The following PCDH11X variants were observed in gnomAD, a reference collection of about 807,000 sequenced individuals.
PCDH11X encodes the protein protocadherin 11 X-linked.
PCDH11X carries 18 observed loss-of-function variants against 53.3 expected under a neutral mutation model. The ratio of observed to expected loss-of-function variants is 0.34; its 90% CI spans 0.23 to 0.50. PCDH11X has a LOEUF of 0.50. Among genes scored for constraint, PCDH11X ranks in the 20% least tolerant of loss-of-function variants. The pLI, the probability that PCDH11X is intolerant of heterozygous loss-of-function variation, is 0.98. For synonymous variants in PCDH11X, 279 were observed against 393.3 expected (o/e 0.71, Z 3.44); for missense variants, 570 against 1,032.4 (o/e 0.55, Z 6.14).
At chrX:92,038,267 A>C (rs1202945678) in intron 6 of PCDH11X, among the ~76,000 whole-genome samples, 7 of 107,692 alleles carry the variant, frequency 6.5e-5, no homozygotes, top group African/African-American at 2.4e-4. Flanking sequence ...CAGCCCCTCT[A>C]ATCACAGGCT....
At chrX:92,158,515 A>T (rs1296721513) in intron 6 of PCDH11X, among the ~76,000 whole-genome samples, 5 of 111,190 alleles carry the variant, frequency 4.5e-5, no homozygotes, top group African/African-American at 1.6e-4. Context: ...GTCTCAAAAA[A>T]AAGAAAAAAA....
chrX:92,089,004 G>A (rs1332503165), intron 6 of PCDH11X, among the ~76,000 whole-genome samples: 2 of 108,494 alleles, frequency 1.8e-5, no homozygotes, highest in Admixed American at 2.0e-4. Context: ...TTCTTGGGAT[G>A]TAGAAACATC....
At position 91,857,450 on chromosome X, in the gene PCDH11X, T is replaced by C. The variant is rs113348053; in HGVS notation, c.541-19331T>C. 5.6e-3 allele frequency among the ~76,000 whole-genome samples: 623 copies of C among 111,317 alleles called. 4 individuals are homozygous for C. Among genetic ancestry groups the C allele is most frequent in the African/African-American group, 0.019 (590 of 30,567 alleles). On this transcript the variant is annotated intron_variant, in intron 5 of 10. Transcript: ENST00000682573. Reference sequence around the variant, plus strand: ...ATAGCTTCCCAACTGTCCTCCAAAGTCTTAACTTATTTCAACATTAACTCA... The same window carrying C: ...ATAGCTTCCCAACTGTCCTCCAAAGCCTTAACTTATTTCAACATTAACTCA...
intron 6 of PCDH11X, among the ~76,000 whole-genome samples, chrX:92,122,463 T>C (rs1408316586): frequency 3.6e-5 from 4 of 111,962 alleles, no homozygotes; most frequent in African/African-American, 1.3e-4. Context: ...TAGTTCATAA[T>C]GTGTGTTTCT....
chrX:92,467,866 A>G (rs1380315316), intron 9 of PCDH11X, among the ~76,000 whole-genome samples: 1 of 111,699 alleles, frequency 9.0e-6, no homozygotes. Flanking sequence ...TTGGAGACAG[A>G]GCAACCTGTT....
At chrX:92,616,630 G>T (rs201921283) in intron 10 of PCDH11X, among the ~76,000 whole-genome samples, 2 of 110,724 alleles carry the variant, frequency 1.8e-5, no homozygotes, top group Non-Finnish European at 3.8e-5. Flanking sequence ...GATTAGGTAC[G>T]TGCTATAGTA....
In PCDH11X at chrX:92,276,843, C is replaced by T. The variant is rs112031092; in HGVS notation, c.3144+13700C>T. Among the ~76,000 whole-genome samples, 409 of 111,382 alleles carry T rather than the reference C, an allele frequency of 3.7e-3. 4 individuals carry two copies. The highest frequency in any genetic ancestry group is 0.012 in the African/African-American group (374 of 30,573). Reference sequence around the variant, plus strand: ...AAAGCTTCTCAGGGTTGCTGCCAAACGAGTCATGAACTGGGCTGGATTTTT... The same window carrying T: ...AAAGCTTCTCAGGGTTGCTGCCAAATGAGTCATGAACTGGGCTGGATTTTT... On this transcript the variant is annotated intron_variant, in intron 8 of 10. Transcript: ENST00000682573.
At chrX:91,802,369 CCT>C (rs1440349067) in intron 1 of PCDH11X, among the ~76,000 whole-genome samples, 1 of 111,836 alleles carries the variant, frequency 8.9e-6, no homozygotes, top group Admixed American at 9.5e-5. Flanking sequence ...TTTTGGATCC[CCT>C]GTTTCCTGCT....
intron 7 of PCDH11X, among the ~76,000 whole-genome samples, chrX:92,248,730 C>G (rs757463273): frequency 2.1e-3 from 238 of 111,343 alleles, no homozygotes; most frequent in Non-Finnish European, 3.9e-3. Flanking sequence ...CTCACTCTGT[C>G]GCCCAGGCTG....
At position 92,620,464 on chromosome X, in the gene PCDH11X, T is replaced by A. The variant is rs1318690409; in HGVS notation, c.*1524T>A. ...ACACTAAACCAAGAGACAATTGATG[T>A]TTAATGGGGGCGGTTGGGGTGGGGG... On this transcript the variant is annotated 3_prime_UTR_variant, in exon 11 of 11. Transcript: ENST00000682573. 1.1e-5 allele frequency: 1 copy of A among 92,346 alleles called. No individual in the cohort carries two copies. The highest frequency in any genetic ancestry group is 1.2e-4 in the Admixed American group (1 of 8,404). The allele number at this position is 92,346 out of a possible 1,213,427, so 7.6% of individuals were successfully genotyped here.
chrX:92,142,670 C>CA (rs1569384387), intron 6 of PCDH11X, among the ~76,000 whole-genome samples: 1 of 109,216 alleles, frequency 9.2e-6, no homozygotes, highest in African/African-American at 3.3e-5. Flanking sequence ...GCACACACAC[C>CA]CACACACCCA....
intron 10 of PCDH11X, among the ~76,000 whole-genome samples, chrX:92,529,030 G>A (rs1019113920): frequency 4.5e-5 from 5 of 111,488 alleles, no homozygotes; most frequent in Non-Finnish European, 7.5e-5. Context: ...CTGAACTAAA[G>A]GGTAGAATGC....
At chrX:92,255,126 G>A (rs1274108674) in intron 7 of PCDH11X, among the ~76,000 whole-genome samples, 2 of 106,023 alleles carry the variant, frequency 1.9e-5, no homozygotes, top group African/African-American at 7.0e-5. Context: ...ATTTCTTGGA[G>A]GCTTTGCTCG....
At chrX:92,393,909 T>A (rs1274913728) in intron 9 of PCDH11X, among the ~76,000 whole-genome samples, 1 of 111,536 alleles carries the variant, frequency 9.0e-6, no homozygotes, top group Non-Finnish European at 1.9e-5. Context: ...ATATTAATTT[T>A]ACCATTTAAA....
At chrX:92,597,953 C>G (rs1049277286) in intron 10 of PCDH11X, among the ~76,000 whole-genome samples, 1 of 111,317 alleles carries the variant, frequency 9.0e-6, no homozygotes, top group African/African-American at 3.3e-5. Flanking sequence ...ATAAATAGTG[C>G]TGGGAAAACT....
chrX:92,614,195 T>A (rs886556010), intron 10 of PCDH11X, among the ~76,000 whole-genome samples: 1 of 111,341 alleles, frequency 9.0e-6, no homozygotes, highest in African/African-American at 3.3e-5. Context: ...TATGGTGATG[T>A]CACTGCATTC....
chrX:91,853,208 TA>T (rs781451226), intron 5 of PCDH11X, among the ~76,000 whole-genome samples: 94 of 111,585 alleles, frequency 8.4e-4, no homozygotes, highest in African/African-American at 3.1e-3. Context: ...TGCTAAATGA[TA>T]AAACAGAGTA....
intron 6 of PCDH11X, among the ~76,000 whole-genome samples, chrX:92,096,848 T>G (rs2064147640): frequency 9.0e-6 from 1 of 111,144 alleles, no homozygotes; most frequent in Non-Finnish European, 1.9e-5. Context: ...AGATGAAGAT[T>G]TGGATGGGGA....
chrX:92,117,567 A>G (rs1481194201), intron 6 of PCDH11X, among the ~76,000 whole-genome samples: 1 of 111,869 alleles, frequency 8.9e-6, no homozygotes, highest in Non-Finnish European at 1.9e-5. Context: ...TCCTCATATA[A>G]TGCAAGGGAA....
Sources: allele counts gnomAD v4.1 joint callset (sites outside exome capture counted in the v4.1 genomes callset), GRCh38; gene constraint gnomAD v4.1.1; transcripts MANE v1.5; gene names NCBI Gene and HGNC (gene_info 2026-07-23, HGNC 2026-07-21).